Variants in ADAMTS9 observed in about 807,000 individuals in gnomAD.
The protein encoded by ADAMTS9 is ADAM metallopeptidase with thrombospondin type 1 motif 9.
In ADAMTS9, 107 loss-of-function variants were observed where a neutral mutation model predicts 257.1. The ratio of observed to expected loss-of-function variants is 0.42; its 90% CI spans 0.36 to 0.49. The LOEUF is 0.49. ADAMTS9 is among the 20% of genes least tolerant of loss of function. The pLI, the probability that ADAMTS9 is intolerant of heterozygous loss-of-function variation, is 0.03. For synonymous variants in ADAMTS9, 982 were observed against 880.9 expected (o/e 1.11, Z -2.03); for missense variants, 2,353 against 2,469.1 (o/e 0.95, Z 1.00).
chr3:64,672,640 G>A (rs55883932), intron 3 of ADAMTS9, among the ~76,000 whole-genome samples: 16,339 of 151,896 alleles, frequency 0.11, 1,177 homozygotes, highest in African/African-American at 0.21. Context: ...TCAAGATCGC[G>A]CCACTGCACT....
intron 31 of ADAMTS9, among the ~76,000 whole-genome samples, chr3:64,548,137 G>A (rs1395921625): frequency 6.6e-6 from 1 of 152,122 alleles, no homozygotes; most frequent in Non-Finnish European, 1.5e-5. Context: ...AAGCCACAGT[G>A]TCTGCTCTGC....
chr3:64,554,884 C>T (rs532044599), intron 30 of ADAMTS9, among the ~76,000 whole-genome samples: 1 of 152,288 alleles, frequency 6.6e-6, no homozygotes, highest in South Asian at 2.1e-4. Context: ...GGTAGGTTGG[C>T]CACAGAGTGA....
intron 28 of ADAMTS9, among the ~76,000 whole-genome samples, chr3:64,580,113 T>A (rs932878338): frequency 6.9e-6 from 1 of 144,534 alleles, no homozygotes; most frequent in Non-Finnish European, 1.5e-5. Flanking sequence ...CAAAAATGTA[T>A]GTGTGTGTAT....
Position 64,594,305 on chromosome 3 carries a change from G to GTGTGTTAAGCATA in ADAMTS9, c.4308_4309insTATGCTTAACACA (p.His1437TyrfsTer3). 1 of 1,613,556 alleles carries GTGTGTTAAGCATA rather than the reference G, an allele frequency of 6.2e-7. No homozygotes were observed. The highest frequency in any genetic ancestry group is 1.1e-5 in the South Asian group (1 of 91,040). ...CATGCAGCGTCGTGTGGACAAGCATGTGTGTTACACTGCTCACGATCGGGA... is the reference window on the plus strand; with the variant it reads ...CATGCAGCGTCGTGTGGACAAGCATGTGTGTTAAGCATATGTGTTACACTGCTCACGATCGGGA... On this transcript the variant is annotated stop_gained and frameshift_variant, in exon 28 of 40. Transcript: ENST00000498707. LOFTEE classifies it high-confidence loss of function.
chr3:64,547,010 T>C, intron 31 of ADAMTS9, 58 bp from the exon 32 acceptor site: 8 of 1,490,910 alleles, frequency 5.4e-6, no homozygotes, highest in Non-Finnish European at 7.3e-6. Context: ...CAGCCCACAA[T>C]AGGCCCCTGA....
intron 37 of ADAMTS9, among the ~76,000 whole-genome samples, chr3:64,537,172 C>T (rs1011050654): frequency 1.3e-5 from 2 of 152,166 alleles, no homozygotes; most frequent in African/African-American, 4.8e-5. Context: ...ACAAATTAGC[C>T]TCTCTCAAGC....
chr3:64,529,488 G>A (rs2082950421), intron 38 of ADAMTS9, among the ~76,000 whole-genome samples: 1 of 152,090 alleles, frequency 6.6e-6, no homozygotes, highest in Non-Finnish European at 1.5e-5. Flanking sequence ...TTATTTGAGA[G>A]CTGAAACAGG....
chr3:64,641,522 C>T (rs148097126), intron 12 of ADAMTS9, among the ~76,000 whole-genome samples: 4,733 of 139,554 alleles, frequency 0.034, 267 homozygotes, highest in African/African-American at 0.12. Context: ...TTCCTGTGTC[C>T]GTGGGTTCTC....
At chr3:64,536,738 A>G (rs1050454573) in intron 37 of ADAMTS9, among the ~76,000 whole-genome samples, 1 of 152,218 alleles carries the variant, frequency 6.6e-6, no homozygotes, top group Non-Finnish European at 1.5e-5. Flanking sequence ...GACAATACTG[A>G]GTACAGTGAC....
chr3:64,560,919 T>C (rs1254828274), intron 30 of ADAMTS9, among the ~76,000 whole-genome samples: 1 of 152,190 alleles, frequency 6.6e-6, no homozygotes, highest in African/African-American at 2.4e-5. Context: ...AAACAGAGGT[T>C]ACCTCCTATA....
chr3:64,666,033 T>C (rs1312810829), intron 3 of ADAMTS9, among the ~76,000 whole-genome samples: 1 of 152,086 alleles, frequency 6.6e-6, no homozygotes, highest in African/African-American at 2.4e-5. Flanking sequence ...AAAACAAGAA[T>C]AAAACGTGGG....
At chr3:64,576,296 C>T (rs1037930791) in intron 28 of ADAMTS9, among the ~76,000 whole-genome samples, 2 of 152,148 alleles carry the variant, frequency 1.3e-5, no homozygotes, top group African/African-American at 4.8e-5. Flanking sequence ...TGTCCTGAGC[C>T]ACAGAAGCAG....
At chr3:64,564,166 C>T (rs1421240987) in intron 29 of ADAMTS9, among the ~76,000 whole-genome samples, 1 of 152,194 alleles carries the variant, frequency 6.6e-6, no homozygotes, top group Non-Finnish European at 1.5e-5. Context: ...CATCATCCCA[C>T]CACCACAGTC....
chr3:64,534,387 T>C (rs2083020456), intron 37 of ADAMTS9, among the ~76,000 whole-genome samples: 1 of 152,226 alleles, frequency 6.6e-6, no homozygotes, highest in African/African-American at 2.4e-5. Flanking sequence ...TGCAAAAAGA[T>C]GGTATCTGTC....
chr3:64,630,717 A>G (rs1254262050), intron 16 of ADAMTS9, among the ~76,000 whole-genome samples: 4 of 152,236 alleles, frequency 2.6e-5, no homozygotes, highest in African/African-American at 9.6e-5. Flanking sequence ...GCAAATCACC[A>G]TGGCACACGT....
intron 28 of ADAMTS9, among the ~76,000 whole-genome samples, chr3:64,575,027 G>A (rs1413781832): frequency 1.3e-5 from 2 of 152,092 alleles, no homozygotes; most frequent in African/African-American, 2.4e-5. Context: ...CATAAATAAA[G>A]GGCCACATTT....
chr3:64,543,494 C>T lies in ADAMTS9; in HGVS notation c.5065-1524G>A, dbSNP rs563696888. 9.2e-5 allele frequency among the ~76,000 whole-genome samples: 14 copies of T among 152,238 alleles called. No homozygotes were observed. In the East Asian group the frequency reaches 1.3e-3, roughly 15 times the overall value. On this transcript the variant is annotated intron_variant, in intron 32 of 39. Coordinates refer to ENST00000498707, the MANE Select transcript of ADAMTS9 (RefSeq NM_182920.2). ...AAATCAATAAACGTAATCCATCATA[C>T]GAACAGAACCAAACACAAAAACCAT...
chr3:64,616,175 G>T lies in ADAMTS9; in HGVS notation c.2814-5C>A. 6.2e-7 allele frequency: 1 copy of T among 1,613,882 alleles called. No individual in the cohort carries two copies. The highest frequency in any genetic ancestry group is 8.5e-7 in the Non-Finnish European group (1 of 1,179,880). On this transcript the variant is annotated splice_polypyrimidine_tract_variant and splice_region_variant and intron_variant, in intron 19 of 39. Transcript: ENST00000498707. ...CTCCTGCTGGCAACATGCCACCTATGCAAAAATAATGGGGCAAAACCAACA... is the reference window on the plus strand; with the variant it reads ...CTCCTGCTGGCAACATGCCACCTATTCAAAAATAATGGGGCAAAACCAACA...
chr3:64,601,880 T>A (rs1671990040), intron 26 of ADAMTS9, 64 bp downstream of exon 26: 1 of 1,513,064 alleles, frequency 6.6e-7, no homozygotes, highest in Non-Finnish European at 8.8e-7. Flanking sequence ...GTGTTTCTAG[T>A]CTCTTTTACC....
Sources: gnomAD v4.1 joint callset for allele counts (sites outside exome capture counted in the v4.1 genomes callset) on GRCh38, gnomAD v4.1.1 for gene constraint, MANE v1.5 for transcripts, NCBI Gene and HGNC (gene_info 2026-07-23, HGNC 2026-07-21) for gene names.